The following SSH2 variants were observed in gnomAD, a reference collection of about 807,000 sequenced individuals.
The protein encoded by SSH2 is protein phosphatase Slingshot homolog 2.
In SSH2, 37 loss-of-function variants were observed where a neutral mutation model predicts 135.2. The ratio of observed to expected loss-of-function variants is 0.27; its 90% CI spans 0.21 to 0.36. The LOEUF is 0.36. Ranked by LOEUF, SSH2 falls within the 10% of genes least tolerant of loss-of-function variation. The probability of loss-of-function intolerance (pLI) is 1.00; values close to 1 mark genes in which losing one functional copy is unlikely to be tolerated. For missense variants in SSH2, 1,408 were observed against 1,765.3 expected (o/e 0.80, Z 3.63); for synonymous variants, 628 against 646.2 (o/e 0.97, Z 0.43).
intron 14 of SSH2, chr17:29,645,046 T>A (rs987893619): frequency 2.6e-5 from 4 of 152,190 alleles, no homozygotes; most frequent in Non-Finnish European, 4.4e-5. Flanking sequence ...GAGGCAGTAG[T>A]GATGTCATGG....
At chr17:29,904,123 A>C (rs2066610063) in intron 1 of SSH2, among the ~76,000 whole-genome samples, 1 of 152,216 alleles carries the variant, frequency 6.6e-6, no homozygotes, top group Non-Finnish European at 1.5e-5. Flanking sequence ...AAAATTGAAA[A>C]GGAAAGACTC....
rs1567891361 is a variant in SSH2, at chr17:29,698,367, A to ACAG, written c.293-2845_293-2844insCTG. Among the ~76,000 whole-genome samples, 4 of 152,344 alleles carry ACAG rather than the reference A, an allele frequency of 2.6e-5. No individual in the cohort carries two copies. The South Asian group carries it at 6.2e-4, about 24-fold the overall frequency. ...TATATGGTATGTGGATTATATCTCA[A>ACAG]TAAAGCTGTTAAACAAAAAATAAAA... On this transcript the variant is annotated intron_variant, in intron 4 of 15. Coordinates refer to ENST00000540801, the MANE Select transcript of SSH2 (RefSeq NM_001282129.2).
chr17:29,667,438 G>A (rs147618309), intron 9 of SSH2, among the ~76,000 whole-genome samples: 17 of 152,250 alleles, frequency 1.1e-4, no homozygotes, highest in African/African-American at 3.6e-4. Flanking sequence ...GGTGAGCAGC[G>A]GGCAAGCATT....
At chr17:29,913,796 G>T (rs1209758052) in intron 1 of SSH2, among the ~76,000 whole-genome samples, 1 of 151,834 alleles carries the variant, frequency 6.6e-6, no homozygotes, top group Non-Finnish European at 1.5e-5. Flanking sequence ...CACCACGCCG[G>T]CCTAATTTTG....
Position 29,893,552 on chromosome 17 carries a change from A to T in SSH2, c.63+36386T>A, listed in dbSNP as rs191534341. Reference sequence around the variant, plus strand: ...AGGATGCAGCAAGAAGGCTTTTCCCAGACACCGAATCTGCTGGCACCTTGT... The same window carrying T: ...AGGATGCAGCAAGAAGGCTTTTCCCTGACACCGAATCTGCTGGCACCTTGT... On this transcript the variant is annotated intron_variant, in intron 1 of 15. Coordinates refer to ENST00000540801, the MANE Select transcript of SSH2 (RefSeq NM_001282129.2). Among the ~76,000 whole-genome samples, 7 of 152,242 alleles carry T rather than the reference A, an allele frequency of 4.6e-5. No homozygotes were observed. The East Asian group carries it at 1.2e-3, about 25-fold the overall frequency.
chr17:29,840,338 A>T (rs2043018012), intron 2 of SSH2, among the ~76,000 whole-genome samples: 1 of 152,212 alleles, frequency 6.6e-6, no homozygotes, highest in Non-Finnish European at 1.5e-5. Context: ...TGGTAAAAAG[A>T]GGGATCAGGA....
intron 3 of SSH2, among the ~76,000 whole-genome samples, chr17:29,714,854 TTTTC>T (rs1416007548): frequency 3.9e-5 from 6 of 152,090 alleles, no homozygotes; most frequent in South Asian, 4.2e-4. Context: ...TTCCTGAATT[TTTTC>T]TTTCTTTTTT....
chr17:29,852,669 A>G (rs1051761610), intron 1 of SSH2, among the ~76,000 whole-genome samples: 1 of 151,462 alleles, frequency 6.6e-6, no homozygotes, highest in Non-Finnish European at 1.5e-5. Flanking sequence ...CTCCTGCCTC[A>G]GCCTCCCGAG....
chr17:29,756,985 C>G (rs2041149721), intron 3 of SSH2, among the ~76,000 whole-genome samples: 1 of 152,088 alleles, frequency 6.6e-6, no homozygotes, highest in Non-Finnish European at 1.5e-5. Flanking sequence ...CACAGCAAAC[C>G]TGAGGGCAGC....
In SSH2 at chr17:29,848,852, G is replaced by A. The variant is rs1413489688; in HGVS notation, c.141C>T (p.Ser47=). 6.6e-7 allele frequency: 1 copy of A among 1,522,838 alleles called. No homozygotes were observed. The highest frequency in any genetic ancestry group is 2.4e-5 in the East Asian group (1 of 40,846). The allele number at this position is 1,522,838 out of a possible 1,614,324, so 94.3% of individuals were successfully genotyped here. ...ATAAAAACATATACCTACGTACATT[G>A]GAATCAGTAAAGATTTCTGATTCTT... ...ECEESEIFTD[S]NEADSGEEEC... The change falls in exon 2 of 16, where the codon TCC becomes TCT. Residue 47 remains serine (S), a synonymous_variant. Transcript: ENST00000540801.
chr17:29,929,891 A>T, intron 1 of SSH2, 47 bp downstream of exon 1: 1 of 1,521,802 alleles, frequency 6.6e-7, no homozygotes, highest in South Asian at 1.2e-5. Flanking sequence ...GGCAAAGCGG[A>T]GCCGCAGTGA....
rs1056235422 is a variant in SSH2 at position 29,635,729 on chromosome 17, C to T, written c.2262+239G>A. On this transcript the variant is annotated intron_variant, in intron 15 of 15. Transcript: ENST00000540801. ...GGTCATCTTTGGACTTCTCGTTGTT[C>T]AGCCAGGACACTTGTTTTTGGCTCA... 2.6e-5 allele frequency among the ~76,000 whole-genome samples: 4 copies of T among 152,294 alleles called. No homozygotes were observed. The South Asian group carries it at 8.3e-4, about 32-fold the overall frequency.
chr17:29,690,856 AGGT>A (rs1238413398), intron 5 of SSH2, among the ~76,000 whole-genome samples: 1 of 152,048 alleles, frequency 6.6e-6, no homozygotes, highest in African/African-American at 2.4e-5. Flanking sequence ...GGTTACAAAA[AGGT>A]ATTTCTATTT....
chr17:29,868,037 A>G (rs945527332), intron 1 of SSH2, among the ~76,000 whole-genome samples: 3 of 152,320 alleles, frequency 2.0e-5, no homozygotes, highest in Non-Finnish European at 4.4e-5. Context: ...TAAGTGCACT[A>G]TGATGAGAGA....
rs374271044 is a variant in SSH2, at chr17:29,631,722, A to T, written c.3472T>A (p.Tyr1158Asn). The T allele has an allele frequency of 1.9e-6, 3 of 1,614,188 alleles. No homozygotes were observed. Among genetic ancestry groups the T allele is most frequent in the Non-Finnish European group, 2.5e-6 (3 of 1,180,036 alleles). ...TGAACCATAGTCTGGGGATGCAGGTAATCCAAACTGGCAGACAGTAAATGG... is the reference window on the plus strand; with the variant it reads ...TGAACCATAGTCTGGGGATGCAGGTTATCCAAACTGGCAGACAGTAAATGG... ...TTHLLSASLD[Y>N]LHPQTMVHLE... The change falls in exon 16 of 16, where the codon TAC becomes AAC. Residue 1158 changes from tyrosine to asparagine, a missense_variant. Physicochemically the swap from Tyr to Asn is moderately radical, Grantham distance 143 (BLOSUM62 -2). This residue lies in a region of SSH2 where 1,080 missense variants were observed against 1,144.5 expected (regional missense o/e 0.94). Transcript: ENST00000540801.
At chr17:29,651,829 T>C (rs1462180894) in intron 12 of SSH2, among the ~76,000 whole-genome samples, 2 of 144,342 alleles carry the variant, frequency 1.4e-5, no homozygotes, top group African/African-American at 4.9e-5. Flanking sequence ...TACTACAAAT[T>C]TTTTTTTTTA....
chr17:29,863,662 A>T (rs1328766019), intron 1 of SSH2: 1 of 152,110 alleles, frequency 6.6e-6, no homozygotes, highest in Non-Finnish European at 1.5e-5. Flanking sequence ...TGCATTAATC[A>T]CTGTATCAAG....
At chr17:29,871,855 A>G (rs892715718) in intron 1 of SSH2, among the ~76,000 whole-genome samples, 1 of 152,202 alleles carries the variant, frequency 6.6e-6, no homozygotes, top group Admixed American at 6.5e-5. Flanking sequence ...CGATTACAGA[A>G]TTTAAAGAAA....
chr17:29,834,493 T>C (rs535923062), intron 2 of SSH2, among the ~76,000 whole-genome samples: 2 of 152,254 alleles, frequency 1.3e-5, no homozygotes, highest in South Asian at 2.1e-4. Context: ...CATTATGTAT[T>C]ATAGAAAATA....
Sources: allele counts gnomAD v4.1 joint callset (sites outside exome capture counted in the v4.1 genomes callset), GRCh38; gene constraint gnomAD v4.1.1; regional missense constraint gnomAD v4.1.1; transcripts MANE v1.5; gene names NCBI Gene and HGNC (gene_info 2026-07-23, HGNC 2026-07-21).